The following RNF216 variants were observed in gnomAD, a reference collection of about 807,000 sequenced individuals.
RNF216 encodes the protein E3 ubiquitin-protein ligase RNF216.
RNF216 carries 72 observed loss-of-function variants against 110.8 expected under a neutral mutation model. The ratio of observed to expected loss-of-function variants is 0.65; its 90% confidence interval spans 0.54 to 0.79. RNF216 has a LOEUF of 0.79. Among genes scored for constraint, RNF216 ranks in the 30% least tolerant of loss-of-function variants. The pLI is 0.00. For synonymous variants in RNF216, 495 were observed against 407.5 expected (o/e 1.21, Z -2.59); for missense variants, 1,342 against 1,141.2 (o/e 1.18, Z -2.54).
At chr7:5,780,085 G>C (rs1796997317) in intron 1 of RNF216, 1 of 152,174 alleles carries the variant, frequency 6.6e-6, no homozygotes, top group Non-Finnish European at 1.5e-5. Flanking sequence ...ATGAGCTGAT[G>C]TTTGGCTCCT....
intron 1 of RNF216, among the ~76,000 whole-genome samples, chr7:5,764,647 CA>C (rs5882067): frequency 0.5 from 65,980 of 132,640 alleles, 15,023 homozygotes; most frequent in Admixed American, 0.56. Context: ...GACACCGTCT[CA>C]AAAAAAAAAA....
intron 1 of RNF216, among the ~76,000 whole-genome samples, chr7:5,763,830 C>T (rs191563341): frequency 2.2e-4 from 33 of 152,252 alleles, no homozygotes; most frequent in African/African-American, 7.9e-4. Context: ...GCCTTGGCTT[C>T]CCAAAGTGCT....
intron 3 of RNF216, among the ~76,000 whole-genome samples, chr7:5,749,998 T>A (rs1015702059): frequency 6.6e-6 from 1 of 152,234 alleles, no homozygotes; most frequent in African/African-American, 2.4e-5. Context: ...TATACTTTTA[T>A]AATAAAAATA....
In RNF216 at chr7:5,741,270, G is replaced by C; in HGVS notation, c.747C>G (p.Val249=). 6.2e-7 allele frequency: 1 copy of C among 1,614,100 alleles called. No homozygotes were observed. The highest frequency in any genetic ancestry group is 1.1e-5 in the South Asian group (1 of 91,052). ...NQQPREITNQ[V]VPQERQPEAE... Reference sequence around the variant, plus strand: ...CTTCAGGCTGCCGTTCCTGAGGAACGACCTGGTTTGTTATTTCACGGGGCT... The same window carrying C: ...CTTCAGGCTGCCGTTCCTGAGGAACCACCTGGTTTGTTATTTCACGGGGCT... The change falls in exon 4 of 17, where the codon GTC becomes GTG. Residue 249 remains valine, a synonymous_variant. Transcript: ENST00000389902.
At chr7:5,628,751 G>C (rs1269632733) in intron 15 of RNF216, among the ~76,000 whole-genome samples, 4 of 151,604 alleles carry the variant, frequency 2.6e-5, no homozygotes, top group African/African-American at 9.7e-5. Context: ...GAACTCCTGG[G>C]CTCAAGCGAT....
chr7:5,780,817 G>A (rs1018504444), intron 1 of RNF216, among the ~76,000 whole-genome samples: 1 of 152,186 alleles, frequency 6.6e-6, no homozygotes, highest in Non-Finnish European at 1.5e-5. Context: ...GAGCCCTGTC[G>A]GATTTGTCAG....
chr7:5,728,239 G>C (rs563559632), intron 7 of RNF216, among the ~76,000 whole-genome samples: 2 of 152,230 alleles, frequency 1.3e-5, no homozygotes, highest in South Asian at 2.1e-4. Context: ...GTCTACCTTA[G>C]GTTGCCTCCC....
intron 2 of RNF216, 110 bp from the exon 3 acceptor site, chr7:5,753,089 T>G: frequency 9.2e-7 from 1 of 1,083,526 alleles, no homozygotes; most frequent in Non-Finnish European, 1.3e-6. Context: ...TGGCTACTAG[T>G]GTAACGTACC....
At chr7:5,626,163 A>G (rs1478806169) in intron 15 of RNF216, among the ~76,000 whole-genome samples, 1 of 152,232 alleles carries the variant, frequency 6.6e-6, no homozygotes, top group Non-Finnish European at 1.5e-5. Context: ...TTAACACATA[A>G]GAATTCTCTA....
At chr7:5,636,128 T>C (rs924518352) in intron 15 of RNF216, among the ~76,000 whole-genome samples, 2 of 152,166 alleles carry the variant, frequency 1.3e-5, no homozygotes, top group African/African-American at 2.4e-5. Flanking sequence ...CAGCTACCAC[T>C]CCTGTGGCCA....
chr7:5,753,519 C>A (rs1220014640), intron 2 of RNF216, among the ~76,000 whole-genome samples: 1 of 152,184 alleles, frequency 6.6e-6, no homozygotes, highest in Non-Finnish European at 1.5e-5. Flanking sequence ...ATTTAACTTT[C>A]CAAGTTTCCT....
chr7:5,744,494 T>C (rs983929106), intron 3 of RNF216, among the ~76,000 whole-genome samples: 3 of 152,134 alleles, frequency 2.0e-5, no homozygotes, highest in Non-Finnish European at 4.4e-5. Flanking sequence ...ACATAATGGT[T>C]AGTTCAAATA....
chr7:5,718,355 T>A (rs1458615743), intron 9 of RNF216, among the ~76,000 whole-genome samples: 2 of 152,098 alleles, frequency 1.3e-5, no homozygotes, highest in Admixed American at 1.3e-4. Flanking sequence ...CACTCCAGCC[T>A]GGGTGACAAA....
At chr7:5,742,288 C>T (rs1270858404) in intron 3 of RNF216, among the ~76,000 whole-genome samples, 1 of 152,014 alleles carries the variant, frequency 6.6e-6, no homozygotes, top group African/African-American at 2.4e-5. Context: ...CTCAAGTGAT[C>T]CGCCTCCCTC....
At chr7:5,763,039 C>G (rs906328595) in intron 1 of RNF216, among the ~76,000 whole-genome samples, 10 of 152,076 alleles carry the variant, frequency 6.6e-5, no homozygotes, top group African/African-American at 1.9e-4. Flanking sequence ...GGGGCCAAAG[C>G]AGCAGAACTA....
chr7:5,681,507 G>T (rs909674182), intron 13 of RNF216, among the ~76,000 whole-genome samples: 1 of 152,080 alleles, frequency 6.6e-6, no homozygotes, highest in Non-Finnish European at 1.5e-5. Context: ...TATTCCAAGG[G>T]GTGTTCTCAA....
intron 15 of RNF216, among the ~76,000 whole-genome samples, chr7:5,633,671 G>A (rs1787218347): frequency 6.6e-6 from 1 of 152,170 alleles, no homozygotes; most frequent in Non-Finnish European, 1.5e-5. Context: ...ATTCCTTTGA[G>A]CTCAGCAGGG....
intron 13 of RNF216, among the ~76,000 whole-genome samples, chr7:5,700,905 C>T (rs1441698716): frequency 6.6e-6 from 1 of 152,184 alleles, no homozygotes; most frequent in Non-Finnish European, 1.5e-5. Flanking sequence ...TTCCATCTCT[C>T]CACTGCAACT....
intron 15 of RNF216, among the ~76,000 whole-genome samples, chr7:5,626,859 G>C (rs1786740670): frequency 1.3e-5 from 2 of 152,180 alleles, no homozygotes; most frequent in Admixed American, 1.3e-4. Context: ...GTAGCCCAAA[G>C]TAAATGCTCA....
Sources: gnomAD v4.1 joint callset for allele counts (sites outside exome capture counted in the v4.1 genomes callset) on GRCh38, gnomAD v4.1.1 for gene constraint, MANE v1.5 for transcripts, NCBI Gene and HGNC (gene_info 2026-07-23, HGNC 2026-07-21) for gene names.